Variants in GPRC5D observed in about 807,000 individuals in gnomAD.
GPRC5D encodes G protein-coupled receptor family C group 5 member D.
In GPRC5D, 20 loss-of-function variants were observed where a neutral mutation model predicts 29.3. That is an observed-to-expected ratio of 0.68 (90% confidence interval 0.48 to 0.99). The LOEUF (loss-of-function observed/expected upper bound fraction) is 0.99. Among genes scored for constraint, GPRC5D ranks in the 50% least tolerant of loss-of-function variants. The pLI is 0.00. For synonymous variants in GPRC5D, 178 were observed against 171.3 expected (o/e 1.04, Z -0.30); for missense variants, 384 against 423.6 (o/e 0.91, Z 0.82).
intron 1 of GPRC5D, 78 bp from the exon 3 acceptor site, chr12:12,942,406 C>G (rs1047987711): frequency 9.0e-6 from 8 of 891,976 alleles, no homozygotes; most frequent in Non-Finnish European, 1.5e-5. Flanking sequence ...TACAGGAAAA[C>G]TCCATGGCTT....
chr12:12,949,365 A>G, intron 1 of GPRC5D, 125 bp downstream of exon 2: 1 of 780,564 alleles, frequency 1.3e-6, no homozygotes, highest in Non-Finnish European at 2.1e-6. Flanking sequence ...TTGAACTATG[A>G]AGCCACCCAC....
intron 1 of GPRC5D, among the ~76,000 whole-genome samples, chr12:12,944,056 C>T (rs536743916): frequency 1.6e-4 from 25 of 152,120 alleles, no homozygotes; most frequent in Non-Finnish European, 2.6e-4. Context: ...TGGGCACATG[C>T]GGCCCGATTC....
At chr12:12,950,985 T>C (rs1863481633), upstream of GPRC5D, among the ~76,000 whole-genome samples, 1 of 151,566 alleles carries the variant, frequency 6.6e-6, no homozygotes, top group African/African-American at 2.4e-5. Context: ...TGGCATGCGC[T>C]TATATTCCCA....
intron 1 of GPRC5D, among the ~76,000 whole-genome samples, chr12:12,947,705 C>CA (rs1222152512): frequency 1.3e-5 from 2 of 152,144 alleles, no homozygotes; most frequent in Admixed American, 1.3e-4. Flanking sequence ...GCTGGGGCCA[C>CA]AGGCCTGTGC....
At chr12:12,946,169 C>G (rs1863308192) in intron 1 of GPRC5D, among the ~76,000 whole-genome samples, 1 of 152,208 alleles carries the variant, frequency 6.6e-6, no homozygotes, top group Non-Finnish European at 1.5e-5. Context: ...CCTTTGCGTC[C>G]ATTTCCACCC....
chr12:12,941,296 T>C (rs1208394410), intron 2 of GPRC5D, among the ~76,000 whole-genome samples: 2 of 152,188 alleles, frequency 1.3e-5, no homozygotes, highest in Admixed American at 6.5e-5. Context: ...AGCCTACCTA[T>C]ACCAGGCTAC....
chr12:12,951,707 A>G (rs1228311523), upstream of GPRC5D, among the ~76,000 whole-genome samples: 1 of 152,230 alleles, frequency 6.6e-6, no homozygotes, highest in Non-Finnish European at 1.5e-5. Context: ...ACATTAATGG[A>G]TCATTGGATC....
chr12:12,945,178 T>A (rs1195045343), intron 1 of GPRC5D, among the ~76,000 whole-genome samples: 1 of 151,794 alleles, frequency 6.6e-6, no homozygotes, highest in Non-Finnish European at 1.5e-5. Flanking sequence ...AAATTTTTTG[T>A]ATTTTTAGTA....
At chr12:12,942,514 C>G (rs1863179487) in intron 1 of GPRC5D, among the ~76,000 whole-genome samples, 186 bp from the exon 3 acceptor site, 1 of 152,174 alleles carries the variant, frequency 6.6e-6, no homozygotes. Context: ...ACAGGCGGAT[C>G]ACTTGAGGTC....
chr12:12,945,538 TCA>T (rs1863292753), intron 1 of GPRC5D, among the ~76,000 whole-genome samples: 1 of 152,200 alleles, frequency 6.6e-6, no homozygotes, highest in South Asian at 2.1e-4. Flanking sequence ...TATCATTTAT[TCA>T]GGAAGAGAAA....
chr12:12,947,039 G>A (rs1483519159), intron 1 of GPRC5D: 1 of 152,172 alleles, frequency 6.6e-6, no homozygotes, highest in East Asian at 1.9e-4. Context: ...ACACAGGTCT[G>A]ATGTTATACC....
At chr12:12,948,249 A>C in intron 1 of GPRC5D, 1 of 152,260 alleles carries the variant, frequency 6.6e-6, no homozygotes, top group Non-Finnish European at 1.5e-5. Context: ...AAGTATTTTC[A>C]GGAAAGATTG....
At chr12:12,944,819 TTCCTTCCTTCCTTCC>T (rs1565477074) in intron 1 of GPRC5D, among the ~76,000 whole-genome samples, 30 of 9,560 alleles carry the variant, frequency 3.1e-3, no homozygotes, top group African/African-American at 3.9e-3. Flanking sequence ...CCTTCCTTCC[TTCCTTCCTTCCTTCC>T]TTCCTTCCTT....
chr12:12,941,320 A>G (rs1178512713), intron 2 of GPRC5D, among the ~76,000 whole-genome samples: 4 of 152,226 alleles, frequency 2.6e-5, no homozygotes, highest in Non-Finnish European at 2.9e-5. Flanking sequence ...TTAGCCACGA[A>G]CAAGAATCTT....
At chr12:12,946,357 C>CT (rs1555109938) in intron 1 of GPRC5D, among the ~76,000 whole-genome samples, 3 of 145,792 alleles carry the variant, frequency 2.1e-5, no homozygotes, top group Non-Finnish European at 3.0e-5. Context: ...TTCTTTCTTT[C>CT]TTTCTTTCTT....
intron 1 of GPRC5D, among the ~76,000 whole-genome samples, chr12:12,945,378 A>G (rs962838038): frequency 6.6e-6 from 1 of 152,192 alleles, no homozygotes; most frequent in African/African-American, 2.4e-5. Flanking sequence ...TCTAAAACAG[A>G]TAAGGCAGGC....
upstream of GPRC5D, among the ~76,000 whole-genome samples, chr12:12,950,733 G>T (rs1863475244): frequency 6.6e-6 from 1 of 151,960 alleles, no homozygotes; most frequent in African/African-American, 2.4e-5. Context: ...CTTGAACCCA[G>T]GAGACAGAGT....
At chr12:12,942,273 G>C (rs1257466828) in exon 2 of GPRC5D, 1 of 1,607,834 alleles carries the variant, frequency 6.2e-7, no homozygotes, top group Non-Finnish European at 8.5e-7. Context: ...GCGGCTGAAT[G>C]GGAGTACCAT....
In GPRC5D at chr12:12,942,473, G is replaced by A. The variant is rs139251936; in HGVS notation, c.896-145C>T. 8.2e-3 allele frequency: 5,051 copies of A among 616,020 alleles called. 28 individuals are homozygous for A. The highest frequency in any genetic ancestry group is 0.011 in the Non-Finnish European group (3,761 of 343,586). 38.2% of individuals were successfully genotyped at this position (616,020 alleles called of 1,614,324 possible). A position where few individuals can be genotyped will look rare whatever the true frequency, so the allele number is the denominator to read the frequency against. On this transcript the variant is annotated intron_variant, in intron 1 of 2. Transcript: ENST00000228887. ...TCTGAGGCTGGGCACGGTGGCTCACGCCTGTAATCCCAGCACTTTGGGAGG... is the reference window on the plus strand; with the variant it reads ...TCTGAGGCTGGGCACGGTGGCTCACACCTGTAATCCCAGCACTTTGGGAGG...
Sources: gnomAD v4.1 joint callset for allele counts (sites outside exome capture counted in the v4.1 genomes callset) on GRCh38, gnomAD v4.1.1 for gene constraint, MANE v1.5 for transcripts, NCBI Gene and HGNC (gene_info 2026-07-23, HGNC 2026-07-21) for gene names.